Variants in IL1RAPL2 observed in about 807,000 individuals in gnomAD.
The protein encoded by IL1RAPL2 is X-linked interleukin-1 receptor accessory protein-like 2.
A neutral mutation model predicts 44.1 loss-of-function variants in IL1RAPL2; 3 were observed. The observed-to-expected ratio is 0.07, with a 90% CI of 0.03 to 0.18. The LOEUF (loss-of-function observed/expected upper bound fraction) is 0.18, where lower values mean the gene tolerates loss of function less well. IL1RAPL2 is among the 10% of genes least tolerant of loss of function. The probability of loss-of-function intolerance (pLI) is 1.00; values close to 1 mark genes in which losing one functional copy is unlikely to be tolerated. For missense variants in IL1RAPL2, 391 were observed against 496.4 expected (o/e 0.79, Z 2.02); for synonymous variants, 181 against 178.8 (o/e 1.01, Z -0.10).
chrX:105,762,795 TG>T (rs1309867715), intron 10 of IL1RAPL2, among the ~76,000 whole-genome samples: 6 of 112,141 alleles, frequency 5.4e-5, no homozygotes, highest in Non-Finnish European at 1.9e-5. Flanking sequence ...AAGGGATTCT[TG>T]CTACTCAGTT....
intron 2 of IL1RAPL2, among the ~76,000 whole-genome samples, chrX:105,040,403 G>T (rs1309487690): frequency 9.0e-5 from 10 of 111,724 alleles, no homozygotes; most frequent in Middle Eastern, 4.6e-3. Context: ...CATATAATGA[G>T]TTATGGAGGA....
At chrX:104,790,994 A>G (rs1481998273) in intron 2 of IL1RAPL2, among the ~76,000 whole-genome samples, 1 of 111,704 alleles carries the variant, frequency 9.0e-6, no homozygotes, top group African/African-American at 3.3e-5. Flanking sequence ...ATTAACTCAT[A>G]TCATCCTCAT....
intron 2 of IL1RAPL2, among the ~76,000 whole-genome samples, chrX:104,879,862 C>G (rs1326756983): frequency 9.0e-6 from 1 of 111,100 alleles, no homozygotes; most frequent in African/African-American, 3.3e-5. Flanking sequence ...TGGAGACTTA[C>G]AGTGAGAAGT....
chrX:104,786,913 TTCATATTCTC>T (rs1932800939), intron 2 of IL1RAPL2, among the ~76,000 whole-genome samples: 1 of 63,190 alleles, frequency 1.6e-5, no homozygotes, highest in Non-Finnish European at 3.0e-5. Context: ...CTCATTCTCA[TTCATATTCTC>T]TCTCTCTCTC....
chrX:104,840,900 G>A (rs1921885180), intron 2 of IL1RAPL2, among the ~76,000 whole-genome samples: 2 of 109,315 alleles, frequency 1.8e-5, no homozygotes, highest in African/African-American at 6.7e-5. Flanking sequence ...ATGTTGGTCA[G>A]GCTGGTCTTG....
chrX:105,138,490 AAAAGC>A (rs2033097581), intron 2 of IL1RAPL2, among the ~76,000 whole-genome samples: 1 of 108,106 alleles, frequency 9.3e-6, no homozygotes, highest in South Asian at 4.0e-4. Flanking sequence ...AAAAAAAAAA[AAAAGC>A]AGAAAATGAA....
rs749639348 is a variant in IL1RAPL2 at position 105,549,788 on chromosome X, A to G, written c.772+65401A>G. On this transcript the variant is annotated intron_variant, in intron 6 of 10. Transcript: ENST00000372582. ...TCTACTCCACAGAACCTAACCTGCA[A>G]CATTTCTTAACTCCCGAAGCCCAGA... 1.6e-4 allele frequency among the ~76,000 whole-genome samples: 18 copies of G among 111,686 alleles called. No homozygotes were observed. In the East Asian group the frequency reaches 4.8e-3, roughly 30 times the overall value.
chrX:105,090,398 C>T (rs1335817097), intron 2 of IL1RAPL2, among the ~76,000 whole-genome samples: 2 of 111,976 alleles, frequency 1.8e-5, no homozygotes, highest in Non-Finnish European at 3.8e-5. Flanking sequence ...TAGAACTGTA[C>T]AGTTCAAACC....
At chrX:105,349,739 A>G (rs909344344) in intron 5 of IL1RAPL2, among the ~76,000 whole-genome samples, 2 of 111,959 alleles carry the variant, frequency 1.8e-5, no homozygotes, top group East Asian at 2.8e-4. Flanking sequence ...ACTCATTAAC[A>G]TATGCTTCCT....
intron 2 of IL1RAPL2, among the ~76,000 whole-genome samples, chrX:105,140,077 G>A (rs181237962): frequency 2.1e-3 from 241 of 112,121 alleles, no homozygotes; most frequent in African/African-American, 6.6e-3. Flanking sequence ...GATGACCTCC[G>A]ACCTGAGGAA....
intron 2 of IL1RAPL2, among the ~76,000 whole-genome samples, chrX:104,915,047 G>C: frequency 8.9e-6 from 1 of 111,995 alleles, no homozygotes; most frequent in East Asian, 2.8e-4. Context: ...TGTCTTTATA[G>C]TAGCATGATT....
chrX:104,729,831 A>G (rs1301089843), intron 2 of IL1RAPL2, among the ~76,000 whole-genome samples: 1 of 111,044 alleles, frequency 9.0e-6, no homozygotes, highest in African/African-American at 3.3e-5. Context: ...TGCAAAGGAC[A>G]TGGTCTCGTT....
intron 2 of IL1RAPL2, among the ~76,000 whole-genome samples, chrX:104,692,413 CAT>C (rs1267094703): frequency 9.1e-6 from 1 of 109,580 alleles, no homozygotes; most frequent in Non-Finnish European, 1.9e-5. Context: ...AGGTTTGTCA[CAT>C]ATGTATACAT....
At position 105,540,818 on chromosome X, in the gene IL1RAPL2, A is replaced by G. The variant is rs1449895816; in HGVS notation, c.772+56431A>G. Among the ~76,000 whole-genome samples, 163 of 44,474 alleles carry G rather than the reference A, an allele frequency of 3.7e-3. 7 individuals carry two copies. Among genetic ancestry groups the G allele is most frequent in the Non-Finnish European group, 4.6e-3 (123 of 26,761 alleles). The allele number at this position is 44,474 out of a possible 115,157, so 38.6% of individuals were successfully genotyped here. A position where few individuals can be genotyped will look rare whatever the true frequency, so the allele number is the denominator to read the frequency against. On this transcript the variant is annotated intron_variant, in intron 6 of 10. Transcript: ENST00000372582. ...TAAATATATTAGTTATATAATATAT[A>G]CATATATTATATATGATATATAATA...
chrX:105,637,120 G>A (rs1862598889), intron 6 of IL1RAPL2, among the ~76,000 whole-genome samples: 3 of 111,303 alleles, frequency 2.7e-5, no homozygotes, highest in Admixed American at 1.9e-4. Flanking sequence ...GTAAGAAAGT[G>A]GAAAGGGAAA....
At chrX:105,131,034 A>C (rs2033021104) in intron 2 of IL1RAPL2, among the ~76,000 whole-genome samples, 1 of 111,849 alleles carries the variant, frequency 8.9e-6, no homozygotes, top group South Asian at 3.7e-4. Flanking sequence ...AAGGCAGGCA[A>C]GAATGGGAAG....
chrX:105,758,409 ATCTC>A (rs59823277), intron 10 of IL1RAPL2, among the ~76,000 whole-genome samples: 75 of 102,316 alleles, frequency 7.3e-4, no homozygotes, highest in Admixed American at 1.5e-3. Flanking sequence ...GTACATGAAA[ATCTC>A]TCTCTCTCTC....
intron 2 of IL1RAPL2, among the ~76,000 whole-genome samples, chrX:105,161,193 G>A (rs2033320698): frequency 9.5e-6 from 1 of 105,774 alleles, no homozygotes; most frequent in Non-Finnish European, 1.9e-5. Context: ...ACTCCAACTT[G>A]GGCAACAGAA....
At chrX:105,075,592 G>T (rs1318776914) in intron 2 of IL1RAPL2, among the ~76,000 whole-genome samples, 1 of 111,721 alleles carries the variant, frequency 9.0e-6, no homozygotes, top group Non-Finnish European at 1.9e-5. Flanking sequence ...TTTTTCTATT[G>T]ATTGGAATAG....
Sources: allele counts gnomAD v4.1 joint callset (sites outside exome capture counted in the v4.1 genomes callset), GRCh38; gene constraint gnomAD v4.1.1; transcripts MANE v1.5; gene names NCBI Gene and HGNC (gene_info 2026-07-23, HGNC 2026-07-21).